Variants in PTK2B observed in about 807,000 individuals in gnomAD.
PTK2B encodes protein-tyrosine kinase 2-beta.
PTK2B carries 71 observed loss-of-function variants against 142.9 expected under a neutral mutation model. The observed-to-expected ratio is 0.50, with a 90% CI of 0.41 to 0.61. PTK2B has a LOEUF of 0.61. Ranked by LOEUF, PTK2B falls within the 20% of genes least tolerant of loss-of-function variation. The pLI is 0.00. For missense variants in PTK2B, 1,105 were observed against 1,320.4 expected (o/e 0.84, Z 2.53); for synonymous variants, 519 against 503.4 (o/e 1.03, Z -0.42).
chr8:27,366,234 T>C (rs915141101), intron 1 of PTK2B, among the ~76,000 whole-genome samples: 1 of 152,232 alleles, frequency 6.6e-6, no homozygotes, highest in Non-Finnish European at 1.5e-5. Flanking sequence ...TCAGGCTCCC[T>C]GAGGACAGAT....
chr8:27,420,868 G>A, intron 4 of PTK2B, 124 bp downstream of exon 4: 1 of 884,036 alleles, frequency 1.1e-6, no homozygotes, highest in East Asian at 2.6e-5. Context: ...AGGCTAGGAA[G>A]CTTCTCTTGA....
At chr8:27,374,340 C>T (rs1317263724) in intron 1 of PTK2B, among the ~76,000 whole-genome samples, 1 of 152,246 alleles carries the variant, frequency 6.6e-6, no homozygotes, top group Non-Finnish European at 1.5e-5. Flanking sequence ...GTAGGACATG[C>T]AGATGCAGAG....
intron 1 of PTK2B, among the ~76,000 whole-genome samples, chr8:27,380,133 A>G (rs1162432665): frequency 6.6e-6 from 1 of 151,500 alleles, no homozygotes; most frequent in Non-Finnish European, 1.5e-5. Context: ...TCCTATTCTC[A>G]GGGACTTGCT....
intron 1 of PTK2B, among the ~76,000 whole-genome samples, chr8:27,352,793 TCCTTG>T (rs1242358031): frequency 1.2e-4 from 18 of 152,254 alleles, no homozygotes; most frequent in African/African-American, 4.3e-4. Flanking sequence ...GACTTGCTCC[TCCTTG>T]CCTTCTGCCA....
intron 2 of PTK2B, among the ~76,000 whole-genome samples, chr8:27,417,953 G>A (rs1809502918): frequency 6.6e-6 from 1 of 152,184 alleles, no homozygotes; most frequent in Non-Finnish European, 1.5e-5. Flanking sequence ...CAGAAGGTCA[G>A]GGACAGGAGA....
intron 2 of PTK2B, among the ~76,000 whole-genome samples, chr8:27,400,532 A>G (rs531026624): frequency 6.6e-6 from 1 of 152,192 alleles, no homozygotes; most frequent in South Asian, 2.1e-4. Flanking sequence ...GAGGACCTGG[A>G]CTAAGAGAAT....
intron 30 of PTK2B, among the ~76,000 whole-genome samples, chr8:27,457,415 G>C (rs1031110765): frequency 6.6e-6 from 1 of 152,196 alleles, no homozygotes; most frequent in Non-Finnish European, 1.5e-5. Context: ...TGTTTTCACT[G>C]CATCCATTCT....
Position 27,401,151 on chromosome 8 carries a change from G to C in PTK2B, c.204+3363G>C, listed in dbSNP as rs900068508. Reference sequence around the variant, plus strand: ...GAGACTCCATCTCAAAAAACAAAGAGATCCAAGTGGGAAACCTGGGGAAAT... The same window carrying C: ...GAGACTCCATCTCAAAAAACAAAGACATCCAAGTGGGAAACCTGGGGAAAT... On this transcript the variant is annotated intron_variant, in intron 2 of 30. Coordinates refer to ENST00000346049, the MANE Select transcript of PTK2B (RefSeq NM_173176.3). Among the ~76,000 whole-genome samples, 5 of 141,098 alleles carry C rather than the reference G, an allele frequency of 3.5e-5. No homozygotes were observed. In the East Asian group the frequency reaches 8.2e-4, roughly 23 times the overall value. The allele number at this position is 141,098 out of a possible 152,430, so 92.6% of individuals were successfully genotyped here.
rs529740172 is a variant in PTK2B, at chr8:27,376,275, C to T, written c.-37-21273C>T. Reference sequence around the variant, plus strand: ...CCCCACCCCAACTAGTGCCATTGGCCGTTCTGGGAGGGAGCAGTCTTTGGA... The same window carrying T: ...CCCCACCCCAACTAGTGCCATTGGCTGTTCTGGGAGGGAGCAGTCTTTGGA... On this transcript the variant is annotated intron_variant, in intron 1 of 30. Transcript: ENST00000346049. 1.1e-4 allele frequency among the ~76,000 whole-genome samples: 16 copies of T among 152,344 alleles called. No individual in the cohort carries two copies. The South Asian group carries it at 2.9e-3, about 28-fold the overall frequency.
At chr8:27,382,671 C>T (rs1807100044) in intron 1 of PTK2B, among the ~76,000 whole-genome samples, 1 of 152,052 alleles carries the variant, frequency 6.6e-6, no homozygotes. Flanking sequence ...CTGCTTTCTT[C>T]TAGTAGTTTT....
intron 1 of PTK2B, among the ~76,000 whole-genome samples, chr8:27,397,086 C>T (rs1808096626): frequency 6.6e-6 from 1 of 152,220 alleles, no homozygotes; most frequent in Admixed American, 6.5e-5. Flanking sequence ...CTCGGGGCCA[C>T]TTCTTCTCCA....
chr8:27,389,892 C>T (rs933903287), intron 1 of PTK2B, among the ~76,000 whole-genome samples: 26 of 152,244 alleles, frequency 1.7e-4, no homozygotes, highest in Middle Eastern at 3.4e-3. Flanking sequence ...CACAGCCTTG[C>T]CCAGAAACCT....
upstream of PTK2B, chr8:27,323,248 C>G (rs890760525): frequency 1.3e-5 from 2 of 152,254 alleles, no homozygotes; most frequent in African/African-American, 4.8e-5. Flanking sequence ...GGTGACTTCT[C>G]TTTTGTTGAC....
At chr8:27,445,214 T>G (rs4733061) in intron 23 of PTK2B, among the ~76,000 whole-genome samples, 130,208 of 152,016 alleles carry the variant, frequency 0.86, 56,151 homozygotes, top group Middle Eastern at 0.94. Flanking sequence ...TAAAAACAAA[T>G]AGTAATACAA....
At chr8:27,329,633 G>A (rs1472514644) in intron 1 of PTK2B, among the ~76,000 whole-genome samples, 1 of 152,174 alleles carries the variant, frequency 6.6e-6, no homozygotes, top group East Asian at 1.9e-4. Flanking sequence ...GTGTGGTGAT[G>A]AAGATAAGTT....
chr8:27,373,818 C>T (rs1014367634), intron 1 of PTK2B, among the ~76,000 whole-genome samples: 5 of 151,836 alleles, frequency 3.3e-5, no homozygotes, highest in African/African-American at 1.2e-4. Context: ...AGGAGAGGCC[C>T]TGAGAGAAGA....
chr8:27,342,950 C>T (rs1030454069), intron 1 of PTK2B, among the ~76,000 whole-genome samples: 4 of 152,132 alleles, frequency 2.6e-5, no homozygotes, highest in East Asian at 1.9e-4. Flanking sequence ...CACCAGCTCT[C>T]GAAACGCACC....
chr8:27,458,465 C>A lies in PTK2B; in HGVS notation c.2986C>A (p.Gln996Lys). 1 of 1,598,822 alleles carries A rather than the reference C, an allele frequency of 6.3e-7. No homozygotes were observed. ...DAKNLLDAVD[Q>K]AKVLANLAHP... Reference sequence around the variant, plus strand: ...CAAGAACCTGCTCGACGCTGTGGACCAGGCCAAGGTTCTGGCCAATCTGGC... The same window carrying A: ...CAAGAACCTGCTCGACGCTGTGGACAAGGCCAAGGTTCTGGCCAATCTGGC... The change falls in exon 31 of 31, where the codon CAG becomes AAG. Residue 996 changes from glutamine to lysine, a missense_variant. Transcript: ENST00000346049.
chr8:27,421,048 T>C (rs1460985184), intron 4 of PTK2B, among the ~76,000 whole-genome samples: 2 of 152,212 alleles, frequency 1.3e-5, no homozygotes, highest in Non-Finnish European at 2.9e-5. Flanking sequence ...CCTGCAGTGC[T>C]TACTACACAG....
Sources: gnomAD v4.1 joint callset for allele counts (sites outside exome capture counted in the v4.1 genomes callset) on GRCh38, gnomAD v4.1.1 for gene constraint, MANE v1.5 for transcripts, NCBI Gene and HGNC (gene_info 2026-07-23, HGNC 2026-07-21) for gene names.